STPG2: variants seen among roughly 807,000 people sequenced by gnomAD.
STPG2 encodes the protein sperm tail PG-rich repeat containing 2.
Under a neutral mutation model 54.2 loss-of-function variants are expected in STPG2, and 56 were observed. That is an observed-to-expected ratio of 1.03 (90% CI 0.83 to 1.29). The LOEUF (loss-of-function observed/expected upper bound fraction) is 1.29. Among genes scored for constraint, STPG2 ranks in the 50% most tolerant of loss-of-function variants. STPG2 has a pLI of 0.00. For missense variants in STPG2, 596 were observed against 544.9 expected (o/e 1.09, Z -0.93); for synonymous variants, 200 against 181.8 (o/e 1.10, Z -0.81).
intron 7 of STPG2, among the ~76,000 whole-genome samples, chr4:97,949,707 G>C (rs1023846280): frequency 3.3e-5 from 5 of 152,148 alleles, no homozygotes; most frequent in Admixed American, 6.6e-5. Context: ...CTAAAGATAG[G>C]ACCCCAGTCC....
chr4:98,109,192 C>A lies in STPG2; in HGVS notation c.500+1G>T. On this transcript the variant is annotated splice_donor_variant, in intron 4 of 10. Transcript: ENST00000295268. LOFTEE classifies it high-confidence loss of function. ...AAGGTATACTATATTTTTTTACTTACTGGACTATATCATACTGTCCTGGAC... is the reference window on the plus strand; with the variant it reads ...AAGGTATACTATATTTTTTTACTTAATGGACTATATCATACTGTCCTGGAC... The A allele has an allele frequency of 6.5e-7, 1 of 1,527,548 alleles. No homozygotes were observed. The highest frequency in any genetic ancestry group is 8.9e-7 in the Non-Finnish European group (1 of 1,127,740). The allele number at this position is 1,527,548 out of a possible 1,614,324, so 94.6% of individuals were successfully genotyped here. A position where few individuals can be genotyped will look rare whatever the true frequency, so the allele number is the denominator to read the frequency against.
chr4:97,970,333 A>T (rs561578115), intron 7 of STPG2, among the ~76,000 whole-genome samples: 20 of 152,330 alleles, frequency 1.3e-4, no homozygotes, highest in African/African-American at 4.8e-4. Context: ...TGGAACCAAA[A>T]AAGAGCCTGC....
intron 10 of STPG2, among the ~76,000 whole-genome samples, chr4:97,599,699 C>G (rs1048012076): frequency 1.3e-5 from 2 of 151,696 alleles, no homozygotes; most frequent in African/African-American, 4.8e-5. Flanking sequence ...TGGCGGGCAC[C>G]CATAGTCCCA....
intron 4 of STPG2, among the ~76,000 whole-genome samples, chr4:97,457,421 A>G (rs1729556631): frequency 6.6e-6 from 1 of 152,246 alleles, no homozygotes; most frequent in Non-Finnish European, 1.5e-5. Context: ...ACAGTGAAAC[A>G]AGACTGAAGC....
intron 10 of STPG2, among the ~76,000 whole-genome samples, chr4:97,563,370 T>A (rs1304584455): frequency 6.6e-6 from 1 of 152,058 alleles, no homozygotes; most frequent in Non-Finnish European, 1.5e-5. Context: ...TCAATTTTGT[T>A]GATCCTTTCA....
chr4:97,904,727 T>C (rs186701369), intron 8 of STPG2, among the ~76,000 whole-genome samples: 363 of 152,172 alleles, frequency 2.4e-3, no homozygotes, highest in African/African-American at 8.5e-3. Context: ...TAGAAGAATG[T>C]ATAACTAGAA....
intron 10 of STPG2, among the ~76,000 whole-genome samples, chr4:97,633,116 T>A (rs1476842677): frequency 1.3e-5 from 2 of 152,162 alleles, no homozygotes; most frequent in Non-Finnish European, 2.9e-5. Flanking sequence ...TATACACACA[T>A]CAGTTGTTTT....
intron 10 of STPG2, among the ~76,000 whole-genome samples, chr4:97,692,800 G>A (rs1270173382): frequency 6.6e-6 from 1 of 152,136 alleles, no homozygotes; most frequent in Non-Finnish European, 1.5e-5. Flanking sequence ...TGAGGCAAAA[G>A]CATCAGGTAA....
intron 5 of STPG2, among the ~76,000 whole-genome samples, chr4:98,014,406 A>G (rs1480058021): frequency 6.6e-6 from 1 of 151,972 alleles, no homozygotes; most frequent in Non-Finnish European, 1.5e-5. Context: ...CTTCCTCTTC[A>G]TGGGTCATGC....
chr4:97,683,938 A>T lies in STPG2; in HGVS notation c.1320+28761T>A, dbSNP rs538541547. 1.6e-3 allele frequency among the ~76,000 whole-genome samples: 236 copies of T among 151,886 alleles called. 1 individual carries two copies. The highest frequency in any genetic ancestry group is 5.5e-3 in the African/African-American group (226 of 41,442). On this transcript the variant is annotated intron_variant, in intron 10 of 10. Coordinates refer to ENST00000295268, the MANE Select transcript of STPG2 (RefSeq NM_174952.3). ...TTGCAGGATACAAAACATACACAAA[A>T]GTCAGTTGCTTTCCTATATAACAGC... is the stretch of plus-strand genomic sequence containing the variant.
chr4:97,492,715 C>T (rs144847787), intron 4 of STPG2, among the ~76,000 whole-genome samples: 1 of 150,602 alleles, frequency 6.6e-6, no homozygotes, highest in East Asian at 2.0e-4. Flanking sequence ...TATATTTCCA[C>T]CAGAAGAAGA....
chr4:97,583,679 A>C (rs1489354934), intron 10 of STPG2, among the ~76,000 whole-genome samples: 1 of 151,954 alleles, frequency 6.6e-6, no homozygotes, highest in East Asian at 1.9e-4. Flanking sequence ...AAAGAGATGT[A>C]AAAAGATATT....
intron 4 of STPG2, among the ~76,000 whole-genome samples, chr4:97,505,162 T>G (rs911959927): frequency 2.6e-5 from 4 of 151,926 alleles, no homozygotes; most frequent in Non-Finnish European, 5.9e-5. Context: ...GAAGATGACC[T>G]CTAAGATATG....
At chr4:97,640,446 A>G (rs986356191) in intron 10 of STPG2, among the ~76,000 whole-genome samples, 1 of 151,990 alleles carries the variant, frequency 6.6e-6, no homozygotes, top group South Asian at 2.1e-4. Context: ...CTCTACAATA[A>G]GGAATTACTT....
chr4:97,641,824 T>C (rs1335285232), intron 10 of STPG2, among the ~76,000 whole-genome samples: 1 of 151,550 alleles, frequency 6.6e-6, no homozygotes, highest in African/African-American at 2.4e-5. Context: ...TGCTAAAAGA[T>C]GAAATAATGC....
rs1004405204 is a variant in STPG2, at chr4:97,521,883, G to A, written c.462+190816C>T. ...TCAGCTACTGGGAAGGCTGAGGCAG[G>A]TGAATAACCCAGGCCCAGGAGTTCA... is the stretch of plus-strand genomic sequence containing the variant. On this transcript the variant is annotated intron_variant, in intron 4 of 4. Coordinates refer to the STPG2 transcript ENST00000522676. 3.3e-5 allele frequency among the ~76,000 whole-genome samples: 5 copies of A among 151,992 alleles called. No homozygotes were observed. In the South Asian group the frequency reaches 8.3e-4, roughly 25 times the overall value.
At chr4:97,498,852 A>G (rs1475486613) in intron 4 of STPG2, among the ~76,000 whole-genome samples, 1 of 151,984 alleles carries the variant, frequency 6.6e-6, no homozygotes, top group Non-Finnish European at 1.5e-5. Flanking sequence ...TAACAACAAA[A>G]CTCACAAGCA....
At chr4:97,585,840 G>A (rs998543393) in intron 10 of STPG2, among the ~76,000 whole-genome samples, 1 of 151,856 alleles carries the variant, frequency 6.6e-6, no homozygotes, top group Non-Finnish European at 1.5e-5. Context: ...ATCAGGTACT[G>A]TGCGCTGAAC....
chr4:97,805,133 A>AT (rs1214674115), intron 9 of STPG2, among the ~76,000 whole-genome samples: 1 of 152,216 alleles, frequency 6.6e-6, no homozygotes, highest in East Asian at 1.9e-4. Context: ...TGTGGGAAAT[A>AT]TTGGGTTGAA....
Sources: gnomAD v4.1 joint callset for allele counts (sites outside exome capture counted in the v4.1 genomes callset) on GRCh38, gnomAD v4.1.1 for gene constraint, MANE v1.5 for transcripts, NCBI Gene and HGNC (gene_info 2026-07-23, HGNC 2026-07-21) for gene names.